The following PDK1 variants were observed in gnomAD, a reference collection of about 807,000 sequenced individuals.
PDK1 encodes the protein pyruvate dehydrogenase kinase 1.
In PDK1, 39 loss-of-function variants were observed where a neutral mutation model predicts 54.2. The ratio of observed to expected loss-of-function variants is 0.72; its 90% CI spans 0.56 to 0.94. The LOEUF (loss-of-function observed/expected upper bound fraction) is 0.94. PDK1 is among the 40% of genes least tolerant of loss of function. PDK1 has a pLI of 0.00. For synonymous variants in PDK1, 221 were observed against 207.1 expected, an observed-to-expected ratio of 1.07 and a Z score of -0.58; for missense variants, 552 against 566.0, an observed-to-expected ratio of 0.98 and a Z score of 0.25.
At chr2:172,621,799 A>T in the PDK1 span, among the ~76,000 whole-genome samples, 1 of 113,590 alleles carries the variant, frequency 8.8e-6, no homozygotes, top group Admixed American at 8.0e-5. Flanking sequence ...TGTATGATAT[A>T]TGTTTATATC....
chr2:172,709,875 G>A, the PDK1 span, among the ~76,000 whole-genome samples: 23 of 152,044 alleles, frequency 1.5e-4, no homozygotes, highest in African/African-American at 5.1e-4. Flanking sequence ...TCTTCTTATC[G>A]CTCAGTGATA....
chr2:172,563,215 G>T (rs1184809901), intron 3 of PDK1, among the ~76,000 whole-genome samples: 1 of 152,114 alleles, frequency 6.6e-6, no homozygotes, highest in East Asian at 1.9e-4. Flanking sequence ...TCTGAAAACA[G>T]TCATTCAGAG....
the PDK1 span, among the ~76,000 whole-genome samples, chr2:172,662,512 G>T: frequency 2.0e-5 from 3 of 151,764 alleles, no homozygotes; most frequent in African/African-American, 7.3e-5. Context: ...GTGTGTGTGT[G>T]TGTGTGTAAA....
chr2:172,577,715 C>A (rs959197089), intron 8 of PDK1, among the ~76,000 whole-genome samples: 1 of 152,006 alleles, frequency 6.6e-6, no homozygotes, highest in Non-Finnish European at 1.5e-5. Flanking sequence ...CCTAAATAGG[C>A]CTTTTCCCCT....
Position 172,602,471 on chromosome 2 carries a change from G to C in PDK1, c.*6502G>C, listed in dbSNP as rs1281524370. The stretch of plus-strand genomic sequence containing the variant: ...TCACTTATATAAGCCATTAGTGGAT[G>C]TTACAATAAACCTCGTATAGTGTCA... On this transcript the variant is annotated 3_prime_UTR_variant, in exon 11 of 11. Transcript: ENST00000282077. 1 of 152,148 alleles carries C rather than the reference G, an allele frequency of 6.6e-6. No individual in the cohort carries two copies. Among genetic ancestry groups the C allele is most frequent in the African/African-American group, 2.4e-5 (1 of 41,422 alleles). The allele number at this position is 152,148 out of a possible 1,614,324, so 9.4% of individuals were successfully genotyped here. A position where few individuals can be genotyped will look rare whatever the true frequency, so the allele number is the denominator to read the frequency against.
the PDK1 span, among the ~76,000 whole-genome samples, chr2:172,693,815 A>G: frequency 6.6e-6 from 1 of 152,080 alleles, no homozygotes; most frequent in Non-Finnish European, 1.5e-5. Context: ...AGCTCAATCC[A>G]CACAGTCCTC....
At chr2:172,694,886 G>A in the PDK1 span, among the ~76,000 whole-genome samples, 1 of 152,182 alleles carries the variant, frequency 6.6e-6, no homozygotes, top group Admixed American at 6.5e-5. Context: ...GTAGACCAAG[G>A]CGGGTGGATC....
chr2:172,606,143 G>C lies in PDK1; in HGVS notation c.*10174G>C, dbSNP rs1484881355. On this transcript the variant is annotated 3_prime_UTR_variant, in exon 11 of 11. Coordinates refer to ENST00000282077, the MANE Select transcript of PDK1 (RefSeq NM_002610.5). Reference sequence around the variant, plus strand: ...CGTTGATCAGGCTTCATGAGAATATGATCGCTGGGAGAAATATACAGCTAA... The same window carrying C: ...CGTTGATCAGGCTTCATGAGAATATCATCGCTGGGAGAAATATACAGCTAA... 6.6e-6 allele frequency: 1 copy of C among 152,236 alleles called. No homozygotes were observed. Among genetic ancestry groups the C allele is most frequent in the African/African-American group, 2.4e-5 (1 of 41,442 alleles). The allele number at this position is 152,236 out of a possible 1,614,324, so 9.4% of individuals were successfully genotyped here. A position where few individuals can be genotyped will look rare whatever the true frequency, so the allele number is the denominator to read the frequency against.
chr2:172,615,834 C>T, the PDK1 span, among the ~76,000 whole-genome samples: 11 of 152,070 alleles, frequency 7.2e-5, no homozygotes, highest in East Asian at 3.9e-4. Context: ...TTGTGGTGCC[C>T]GGTAAAAAAG....
the PDK1 span, among the ~76,000 whole-genome samples, chr2:172,649,177 T>C: frequency 1.5e-3 from 223 of 152,284 alleles, 1 homozygote; most frequent in African/African-American, 5.1e-3. Flanking sequence ...CGTTCTGCAA[T>C]ATTTGCTGTT....
chr2:172,595,999 G>A lies in PDK1; in HGVS notation c.*30G>A. On this transcript the variant is annotated 3_prime_UTR_variant, in exon 11 of 11. Transcript: ENST00000282077. ...ACTTGGGACATCGGAAAATCCAAATGTGGCTTTTGTATTAAATTTGGAAGG... is the reference window on the plus strand; with the variant it reads ...ACTTGGGACATCGGAAAATCCAAATATGGCTTTTGTATTAAATTTGGAAGG... 1 of 1,574,728 alleles carries A rather than the reference G, an allele frequency of 6.4e-7. No homozygotes were observed. The highest frequency in any genetic ancestry group is 8.7e-7 in the Non-Finnish European group (1 of 1,155,554).
intron 5 of PDK1, among the ~76,000 whole-genome samples, chr2:172,565,728 G>T (rs1173874847): frequency 1.3e-5 from 2 of 152,188 alleles, no homozygotes; most frequent in African/African-American, 4.8e-5. Context: ...TATACCACTT[G>T]TACACATACA....
chr2:172,616,221 A>C, the PDK1 span, among the ~76,000 whole-genome samples: 4 of 152,244 alleles, frequency 2.6e-5, no homozygotes, highest in Non-Finnish European at 5.9e-5. Context: ...ATACATTGAA[A>C]TAACTTGTGA....
the PDK1 span, among the ~76,000 whole-genome samples, chr2:172,649,552 A>T: frequency 1.3e-5 from 2 of 152,286 alleles, no homozygotes; most frequent in South Asian, 4.1e-4. Context: ...CTAAAGGAGG[A>T]TGTTCGAACC....
chr2:172,677,566 G>T, the PDK1 span: 1 of 152,190 alleles, frequency 6.6e-6, no homozygotes, highest in African/African-American at 2.4e-5. Context: ...CAGAGGAAGA[G>T]GGCTCCAGGA....
chr2:172,633,386 T>C, the PDK1 span, among the ~76,000 whole-genome samples: 39 of 12,656 alleles, frequency 3.1e-3, 1 homozygote, highest in Middle Eastern at 0.12. Context: ...TCTTTCTTTT[T>C]TTTTTTTTTT....
the PDK1 span, among the ~76,000 whole-genome samples, chr2:172,616,495 A>G: frequency 1.3e-5 from 2 of 152,188 alleles, no homozygotes; most frequent in Non-Finnish European, 2.9e-5. Flanking sequence ...CGAACAAAAC[A>G]ATGCTCAGGC....
At chr2:172,556,381 C>T in intron 1 of PDK1, 35 bp downstream of exon 1, 4 of 1,356,200 alleles carry the variant, frequency 2.9e-6, no homozygotes, top group Admixed American at 3.1e-5. Context: ...CCTTTTTGCG[C>T]GGTCCCGGGC....
At chr2:172,619,776 G>A in the PDK1 span, among the ~76,000 whole-genome samples, 1 of 152,124 alleles carries the variant, frequency 6.6e-6, no homozygotes, top group Admixed American at 6.6e-5. Context: ...TCAAAGTCAG[G>A]GAAGAGTCTC....
Sources: allele counts gnomAD v4.1 joint callset (sites outside exome capture counted in the v4.1 genomes callset), GRCh38; gene constraint gnomAD v4.1.1; transcripts MANE v1.5; gene names NCBI Gene and HGNC (gene_info 2026-07-23, HGNC 2026-07-21).